The following MRPL45 variants were observed in gnomAD, a reference collection of about 807,000 sequenced individuals.
MRPL45 encodes large ribosomal subunit protein mL45.
MRPL45 carries 20 observed loss-of-function variants against 38.1 expected under a neutral mutation model. The observed-to-expected ratio is 0.53, with a 90% CI of 0.37 to 0.76. The LOEUF (loss-of-function observed/expected upper bound fraction) is 0.76. Among genes scored for constraint, MRPL45 ranks in the 30% least tolerant of loss-of-function variants. The pLI, the probability that MRPL45 is intolerant of heterozygous loss-of-function variation, is 0.00. For missense variants in MRPL45, 337 were observed against 395.6 expected, an observed-to-expected ratio of 0.85 and a Z score of 1.26; for synonymous variants, 105 against 128.8, an observed-to-expected ratio of 0.82 and a Z score of 1.25.
At chr17:38,317,542 G>A (rs112028599) in intron 4 of MRPL45, among the ~76,000 whole-genome samples, 2,804 of 151,994 alleles carry the variant, frequency 0.018, 77 homozygotes, top group African/African-American at 0.064. Flanking sequence ...TAGGAGCTAG[G>A]GTTTGTTGTC....
chr17:38,298,477 T>C lies in MRPL45; in HGVS notation c.95T>C (p.Ile32Thr), dbSNP rs202175908. 2.4e-4 allele frequency: 387 copies of C among 1,613,962 alleles called. No homozygotes were observed. The highest frequency in any genetic ancestry group is 3.0e-4 in the Non-Finnish European group (354 of 1,179,858). The stretch of plus-strand genomic sequence containing the variant: ...GTTCTGGTGACTCAGTCCGCAGCTA[T>C]AGTTCCAGTAAGAACTAAAAAACGT... ...QPVLVTQSAA[I>T]VPVRTKKRFT... The change falls in exon 2 of 8, where the codon ATA becomes ACA. Residue 32 changes from isoleucine to threonine, a missense_variant. This residue lies in a region of MRPL45 where 60 missense variants were observed against 109.6 expected (regional missense o/e 0.55). Coordinates refer to ENST00000613675, the MANE Select transcript of MRPL45 (RefSeq NM_032351.6).
chr17:38,317,708 A>G (rs968556795), intron 4 of MRPL45, among the ~76,000 whole-genome samples: 3 of 151,814 alleles, frequency 2.0e-5, no homozygotes, highest in Non-Finnish European at 4.4e-5. Context: ...AGTAGCTGGG[A>G]CTACAGGCGC....
At chr17:38,304,757 C>T (rs1384818746) in intron 3 of MRPL45, among the ~76,000 whole-genome samples, 2 of 151,802 alleles carry the variant, frequency 1.3e-5, no homozygotes, top group Admixed American at 6.6e-5. Context: ...TTGGCCAGGC[C>T]AGTCTCGAAC....
chr17:38,319,937 C>T (rs760015942), intron 5 of MRPL45, among the ~76,000 whole-genome samples: 5 of 152,056 alleles, frequency 3.3e-5, no homozygotes, highest in Non-Finnish European at 7.4e-5. Flanking sequence ...CCCGTCTCTA[C>T]TGAAAATACA....
intron 6 of MRPL45, 28 bp from the exon 7 acceptor site, chr17:38,322,098 G>A: frequency 6.3e-7 from 1 of 1,599,166 alleles, no homozygotes; most frequent in East Asian, 2.2e-5. Context: ...AAAAAACTAA[G>A]AGGCCAGATT....
chr17:38,309,260 T>A (rs1015273300), intron 4 of MRPL45, among the ~76,000 whole-genome samples: 10 of 148,238 alleles, frequency 6.7e-5, no homozygotes, highest in African/African-American at 2.5e-4. Flanking sequence ...CTCTCGCTTG[T>A]AATCCCAGCG....
At position 38,322,192 on chromosome 17, in the gene MRPL45, C is replaced by A. The variant is rs763419495; in HGVS notation, c.727C>A (p.Leu243Met). ...YGQEDVPKDV[L>M]EYVVFEKQLT... is the part of the protein sequence containing the mutation. ...ACAGGAAGATGTACCCAAGGATGTC[C>A]TGGAGTATGTTGTATTCGAAAAGCA... Residue 243 changes from leucine to methionine, a missense_variant, in exon 7 of 8, where the codon CTG (leucine) becomes ATG (methionine). Coordinates refer to ENST00000613675, the MANE Select transcript of MRPL45 (RefSeq NM_032351.6). 1.9e-6 allele frequency: 3 copies of A among 1,614,116 alleles called. No individual in the cohort carries two copies. Among genetic ancestry groups the A allele is most frequent in the Non-Finnish European group, 2.5e-6 (3 of 1,180,022 alleles).
At chr17:38,309,195 G>A (rs1310583469) in intron 4 of MRPL45, among the ~76,000 whole-genome samples, 2 of 151,084 alleles carry the variant, frequency 1.3e-5, no homozygotes. Flanking sequence ...GTGAGCCACT[G>A]TGCCCAGCTG....
chr17:38,317,820 G>A (rs973665591), intron 4 of MRPL45, among the ~76,000 whole-genome samples: 4 of 151,244 alleles, frequency 2.6e-5, no homozygotes, highest in South Asian at 2.1e-4. Context: ...TGATCCACCC[G>A]CCTCGGCCTC....
At chr17:38,301,950 T>A (rs1051477175) in intron 3 of MRPL45, among the ~76,000 whole-genome samples, 1 of 151,786 alleles carries the variant, frequency 6.6e-6, no homozygotes, top group African/African-American at 2.4e-5. Flanking sequence ...ACCCCGTCTC[T>A]ACTAAAAATA....
At chr17:38,308,007 C>T (rs1351849590) in intron 4 of MRPL45, among the ~76,000 whole-genome samples, 1 of 151,912 alleles carries the variant, frequency 6.6e-6, no homozygotes, top group Admixed American at 6.6e-5. Flanking sequence ...GGGGCTCAAG[C>T]GATCCTCCCA....
At chr17:38,298,013 C>CT (rs2036954524) in intron 1 of MRPL45, among the ~76,000 whole-genome samples, 1 of 152,174 alleles carries the variant, frequency 6.6e-6, no homozygotes, top group Non-Finnish European at 1.5e-5. Flanking sequence ...GGGAGGATAG[C>CT]TAGAGCCCAG....
chr17:38,321,150 A>AT (rs1486570839), intron 6 of MRPL45, among the ~76,000 whole-genome samples: 9 of 151,766 alleles, frequency 5.9e-5, no homozygotes, highest in Admixed American at 4.6e-4. Context: ...TAATTTTAGT[A>AT]TTTTTTGTAG....
intron 4 of MRPL45, among the ~76,000 whole-genome samples, chr17:38,309,494 C>T (rs2037088459): frequency 2.7e-5 from 4 of 149,582 alleles, no homozygotes; most frequent in Admixed American, 6.7e-5. Flanking sequence ...TGCACTCAAG[C>T]CACGACAACA....
intron 1 of MRPL45, among the ~76,000 whole-genome samples, chr17:38,297,933 C>CA (rs1207028771): frequency 6.6e-6 from 1 of 152,088 alleles, no homozygotes; most frequent in South Asian, 2.1e-4. Flanking sequence ...CTGGTCTTTA[C>CA]AAAAAAATTT....
At chr17:38,309,184 T>C (rs1307575739) in intron 4 of MRPL45, among the ~76,000 whole-genome samples, 3 of 149,746 alleles carry the variant, frequency 2.0e-5, no homozygotes, top group Non-Finnish European at 4.4e-5. Context: ...GGATTACAGG[T>C]GTGAGCCACT....
Position 38,322,839 on chromosome 17 carries a change from AAGAC to A in MRPL45, c.*247_*250del. Reference sequence around the variant, plus strand: ...ATGTCTAGCTTCTGAGTCTAGATGAAAGACAGTATGTTTCAGAGAACATTGGATA... The same window carrying A: ...ATGTCTAGCTTCTGAGTCTAGATGAAAGTATGTTTCAGAGAACATTGGATA... On this transcript the variant is annotated 3_prime_UTR_variant, in exon 8 of 8. Transcript: ENST00000613675. 4.0e-6 allele frequency: 2 copies of A among 494,612 alleles called. No individual in the cohort carries two copies. The highest frequency in any genetic ancestry group is 7.2e-6 in the Non-Finnish European group (2 of 279,460). 30.6% of individuals were successfully genotyped at this position (494,612 alleles called of 1,614,324 possible). A position where few individuals can be genotyped will look rare whatever the true frequency, so the allele number is the denominator to read the frequency against.
At chr17:38,305,922 C>T (rs918535609) in intron 3 of MRPL45, among the ~76,000 whole-genome samples, 2 of 151,742 alleles carry the variant, frequency 1.3e-5, no homozygotes, top group African/African-American at 4.8e-5. Context: ...GGATTACAGA[C>T]GTGAGCCACC....
intron 3 of MRPL45, 53 bp downstream of exon 3, chr17:38,299,521 C>G: frequency 1.4e-6 from 2 of 1,479,460 alleles, no homozygotes; most frequent in Non-Finnish European, 1.8e-6. Context: ...TTTTTTGTTG[C>G]TACTTTATCC....
Sources: gnomAD v4.1 joint callset for allele counts (sites outside exome capture counted in the v4.1 genomes callset) on GRCh38, gnomAD v4.1.1 for gene constraint, gnomAD v4.1.1 regional missense constraint, MANE v1.5 for transcripts, NCBI Gene and HGNC (gene_info 2026-07-23, HGNC 2026-07-21) for gene names.